SLC1A6: variants seen among roughly 807,000 people sequenced by gnomAD.
SLC1A6 encodes the protein solute carrier family 1 member 6, also known as excitatory amino acid transporter 4.
In SLC1A6, 15 loss-of-function variants were observed where a neutral mutation model predicts 42.1. The ratio of observed to expected loss-of-function variants is 0.36; its 90% CI spans 0.24 to 0.55. The LOEUF (loss-of-function observed/expected upper bound fraction) is 0.55. SLC1A6 is among the 20% of genes least tolerant of loss of function. The pLI is 0.88. For synonymous variants in SLC1A6, 317 were observed against 319.7 expected (o/e 0.99, Z 0.09); for missense variants, 542 against 772.5 (o/e 0.70, Z 3.54).
chr19:14,950,462 G>A, intron 9 of SLC1A6, 72 bp from the exon 10 acceptor site: 2 of 1,217,230 alleles, frequency 1.6e-6, no homozygotes, highest in Non-Finnish European at 2.3e-6. Context: ...GTGCAGCAGA[G>A]GGGGGTCCCT....
At chr19:14,971,043 T>C (rs1231843569) in intron 3 of SLC1A6, among the ~76,000 whole-genome samples, 3 of 152,004 alleles carry the variant, frequency 2.0e-5, no homozygotes, top group Admixed American at 1.3e-4. Flanking sequence ...AGTGGAGGAA[T>C]TGCTTGAACC....
At position 14,952,915 on chromosome 19, in the gene SLC1A6, A is replaced by G. The variant is rs368104537; in HGVS notation, c.1499+13T>C. On this transcript the variant is annotated intron_variant, in intron 9 of 9. Coordinates refer to ENST00000594383, the MANE Select transcript of SLC1A6 (RefSeq NM_005071.3). The stretch of plus-strand genomic sequence containing the variant: ...AAGCAGGAGCACCAGGGTCCAGCCT[A>G]GAGAACACTCACAGGAACCAGTCCA... 9.3e-6 allele frequency: 15 copies of G among 1,612,872 alleles called. No individual in the cohort carries two copies. Among genetic ancestry groups the G allele is most frequent in the Non-Finnish European group, 1.3e-5 (15 of 1,179,354 alleles).
intron 4 of SLC1A6, among the ~76,000 whole-genome samples, chr19:14,966,350 A>C (rs927480277): frequency 2.0e-5 from 3 of 152,010 alleles, no homozygotes; most frequent in Non-Finnish European, 2.9e-5. Flanking sequence ...AAATTAGTCC[A>C]GTGTGGTGGC....
Position 14,995,342 on chromosome 19 carries a change from AAAGAAAG to A in SLC1A6, c.6+15136_6+15142del, listed in dbSNP as rs1416194289. ...CTCCATCTCCAAAAAAAAAAAAAAA[AAAGAAAG>A]AAAGAAAGAAAGAAAGAAAAGGGAA... is the stretch of plus-strand genomic sequence containing the variant. On this transcript the variant is annotated intron_variant, in intron 1 of 8. Coordinates refer to the SLC1A6 transcript ENST00000430939. Among the ~76,000 whole-genome samples, 21 of 73,388 alleles carry A rather than the reference AAAGAAAG, an allele frequency of 2.9e-4. No individual in the cohort carries two copies. In the South Asian group the frequency reaches 2.9e-3, roughly 10 times the overall value. The allele number at this position is 73,388 out of a possible 152,430, so 48.1% of individuals were successfully genotyped here. A position where few individuals can be genotyped will look rare whatever the true frequency, so the allele number is the denominator to read the frequency against.
At chr19:15,001,038 T>C (rs892998935) in intron 1 of SLC1A6, among the ~76,000 whole-genome samples, 15 of 152,226 alleles carry the variant, frequency 9.9e-5, no homozygotes, top group Non-Finnish European at 2.2e-4. Context: ...GGAATGTTCA[T>C]AGCAGAAGCA....
At chr19:15,007,879 G>C (rs1600044895) in intron 1 of SLC1A6, among the ~76,000 whole-genome samples, 1 of 152,022 alleles carries the variant, frequency 6.6e-6, no homozygotes, top group East Asian at 1.9e-4. Flanking sequence ...ACAAAAATTA[G>C]CCGGGTGTGG....
chr19:14,953,414 C>A (rs371932934), intron 8 of SLC1A6, among the ~76,000 whole-genome samples: 14 of 151,848 alleles, frequency 9.2e-5, no homozygotes, highest in South Asian at 6.3e-4. Flanking sequence ...TGCCACAACG[C>A]CTGGTTAATT....
chr19:14,964,405 A>C (rs1429439254), intron 4 of SLC1A6, 44 bp from the exon 5 acceptor site: 1 of 1,495,580 alleles, frequency 6.7e-7, no homozygotes, highest in Non-Finnish European at 9.3e-7. Flanking sequence ...AGACCATGGA[A>C]GGGCATCTAG....
upstream of SLC1A6, among the ~76,000 whole-genome samples, chr19:14,981,348 A>G (rs1345659919): frequency 6.6e-6 from 1 of 152,058 alleles, no homozygotes; most frequent in Non-Finnish European, 1.5e-5. Flanking sequence ...CACACCCTAT[A>G]CCAAGCACAT....
intron 3 of SLC1A6, 98 bp from the exon 4 acceptor site, chr19:14,968,605 C>G (rs2045601555): frequency 9.6e-7 from 1 of 1,037,642 alleles, no homozygotes; most frequent in East Asian, 2.6e-5. Context: ...AACTCAACAG[C>G]CGACCCACCA....
chr19:14,967,861 T>G (rs968085456), intron 4 of SLC1A6, among the ~76,000 whole-genome samples: 1 of 152,212 alleles, frequency 6.6e-6, no homozygotes, highest in African/African-American at 2.4e-5. Context: ...AACTTTCTCC[T>G]GATAACACCA....
upstream of SLC1A6, among the ~76,000 whole-genome samples, chr19:14,980,765 C>G (rs886963917): frequency 6.6e-6 from 1 of 151,506 alleles, no homozygotes; most frequent in Non-Finnish European, 1.5e-5. Flanking sequence ...TTTATTAATA[C>G]TTATATTTAA....
At chr19:14,955,765 T>A (rs752995065) in intron 7 of SLC1A6, among the ~76,000 whole-genome samples, 10 of 151,734 alleles carry the variant, frequency 6.6e-5, no homozygotes, top group Non-Finnish European at 1.3e-4. Context: ...CAAAACCCCA[T>A]CTCTACTAAA....
At chr19:15,004,844 G>T (rs1490175062) in intron 1 of SLC1A6, among the ~76,000 whole-genome samples, 1 of 152,152 alleles carries the variant, frequency 6.6e-6, no homozygotes, top group Admixed American at 6.5e-5. Context: ...AATTTTCCTA[G>T]TCCTCGGTCT....
chr19:14,997,518 G>A (rs1342724851), intron 1 of SLC1A6, among the ~76,000 whole-genome samples: 3 of 152,112 alleles, frequency 2.0e-5, no homozygotes, highest in Non-Finnish European at 4.4e-5. Flanking sequence ...TGGCAGCATT[G>A]GGGCAGATTA....
intron 1 of SLC1A6, among the ~76,000 whole-genome samples, chr19:14,997,995 T>C (rs1219345259): frequency 2.0e-5 from 2 of 101,710 alleles, no homozygotes; most frequent in African/African-American, 7.3e-5. Context: ...TGATGTACAA[T>C]ATGATGTTTG....
intron 7 of SLC1A6, 104 bp downstream of exon 7, chr19:14,956,372 A>G (rs1346506884): frequency 1.4e-6 from 1 of 695,244 alleles, no homozygotes. Context: ...TGGACGACTC[A>G]GAAGAGGTGT....
intron 1 of SLC1A6, among the ~76,000 whole-genome samples, chr19:14,996,314 G>A (rs1175786269): frequency 3.3e-5 from 5 of 152,180 alleles, no homozygotes; most frequent in Non-Finnish European, 4.4e-5. Context: ...CAAGGAGAAT[G>A]GGGAGTTATT....
intron 6 of SLC1A6, among the ~76,000 whole-genome samples, chr19:14,959,351 C>A (rs962096074): frequency 6.6e-6 from 1 of 152,216 alleles, no homozygotes; most frequent in African/African-American, 2.4e-5. Context: ...CCAATGGAGA[C>A]AGACACAGTA....
Sources: allele counts gnomAD v4.1 joint callset (sites outside exome capture counted in the v4.1 genomes callset), GRCh38; gene constraint gnomAD v4.1.1; transcripts MANE v1.5; gene names NCBI Gene and HGNC (gene_info 2026-07-23, HGNC 2026-07-21).